Variants in CCDC148 observed in about 807,000 individuals in gnomAD.
The protein encoded by CCDC148 is coiled-coil domain-containing protein 148.
Under a neutral mutation model 85.7 loss-of-function variants are expected in CCDC148, and 89 were observed. The ratio of observed to expected loss-of-function variants is 1.04; its 90% CI spans 0.87 to 1.24. The LOEUF (loss-of-function observed/expected upper bound fraction) is 1.24, where lower values mean the gene tolerates loss of function less well. Ranked by LOEUF, CCDC148 falls within the 50% of genes most tolerant of loss-of-function variation. The pLI, the probability that CCDC148 is intolerant of heterozygous loss-of-function variation, is 0.00. For missense variants in CCDC148, 692 were observed against 671.7 expected (o/e 1.03, Z -0.33); for synonymous variants, 230 against 213.9 (o/e 1.08, Z -0.66).
intron 9 of CCDC148, among the ~76,000 whole-genome samples, chr2:158,293,960 C>CCCTT (rs1559049560): frequency 2.3e-5 from 1 of 44,062 alleles, no homozygotes; most frequent in Non-Finnish European, 4.0e-5. Context: ...CCCTCTCCCT[C>CCCTT]CCTCCCTCCC....
At chr2:158,392,559 C>A (rs1685356607) in intron 1 of CCDC148, among the ~76,000 whole-genome samples, 1 of 151,926 alleles carries the variant, frequency 6.6e-6, no homozygotes, top group East Asian at 1.9e-4. Flanking sequence ...ATTCCAAAAT[C>A]CCAAATCCAG....
rs187407831 is a variant in CCDC148, at chr2:158,436,990, T to C, written c.25+19425A>G. 5.3e-5 allele frequency among the ~76,000 whole-genome samples: 8 copies of C among 152,122 alleles called. No individual in the cohort carries two copies. In the East Asian group the frequency reaches 1.4e-3, roughly 26 times the overall value. On this transcript the variant is annotated intron_variant, in intron 1 of 13. Coordinates refer to ENST00000283233, the MANE Select transcript of CCDC148 (RefSeq NM_138803.4). ...TGAAATTGAGGCAATAATTAATAGC[T>C]TACAAACCAAAAAAAGTCCAGGACC...
chr2:158,370,437 A>G (rs2105279037), intron 1 of CCDC148, among the ~76,000 whole-genome samples: 2 of 152,216 alleles, frequency 1.3e-5, no homozygotes, highest in African/African-American at 4.8e-5. Flanking sequence ...AGATTCTTGT[A>G]TTATAATGAA....
chr2:158,318,292 C>T (rs888822938), intron 7 of CCDC148, among the ~76,000 whole-genome samples: 2 of 152,192 alleles, frequency 1.3e-5, no homozygotes, highest in African/African-American at 2.4e-5. Context: ...CCCACCTCCA[C>T]AGTCCCTGGC....
intron 9 of CCDC148, among the ~76,000 whole-genome samples, chr2:158,269,373 G>T (rs929557877): frequency 1.3e-5 from 2 of 152,040 alleles, no homozygotes; most frequent in African/African-American, 4.8e-5. Flanking sequence ...TATTGTTGTG[G>T]CAACCAGCTG....
intron 7 of CCDC148, among the ~76,000 whole-genome samples, chr2:158,326,078 T>C (rs1034637812): frequency 1.3e-5 from 2 of 152,136 alleles, no homozygotes; most frequent in African/African-American, 2.4e-5. Flanking sequence ...GTTTTAAAAA[T>C]GGCTACAAGG....
intron 1 of CCDC148, among the ~76,000 whole-genome samples, chr2:158,433,087 A>ATATATATATAT (rs1242018411): frequency 0.011 from 552 of 51,374 alleles, 2 homozygotes; most frequent in South Asian, 0.023. Flanking sequence ...AAAAAAAAAA[A>ATATATATATAT]AAAAATATAT....
At chr2:158,352,411 G>A (rs549217604) in intron 2 of CCDC148, among the ~76,000 whole-genome samples, 14 of 152,300 alleles carry the variant, frequency 9.2e-5, no homozygotes, top group South Asian at 8.3e-4. Context: ...ACCAAGGCTC[G>A]AGAACTACGT....
At chr2:158,449,931 T>C (rs1688327910) in intron 1 of CCDC148, among the ~76,000 whole-genome samples, 1 of 152,268 alleles carries the variant, frequency 6.6e-6, no homozygotes, top group Admixed American at 6.5e-5. Flanking sequence ...TTGAGCATTT[T>C]ACCGTGAATC....
rs771853900 is a variant in CCDC148, at chr2:158,250,899, C to T, written c.1124G>A (p.Arg375Gln). Residue 375 changes from arginine to glutamine, a missense_variant, in exon 10 of 14, where the codon CGA becomes CAA. Coordinates refer to ENST00000283233, the MANE Select transcript of CCDC148 (RefSeq NM_138803.4). The stretch of plus-strand genomic sequence containing the variant: ...TCTTGCTACCTCTTCTTGGTGGGCT[C>T]GCCATTGACGAACCTGAAATAAAGA... Reference protein sequence around the residue: ...ADLKAKVRQWRAHQEEVARLE... With the variant: ...ADLKAKVRQWQAHQEEVARLE... 6 of 1,595,286 alleles carry T rather than the reference C, an allele frequency of 3.8e-6. No homozygotes were observed. The highest frequency in any genetic ancestry group is 1.1e-5 in the South Asian group (1 of 89,516).
At chr2:158,249,080 C>G (rs1688685161) in intron 10 of CCDC148, among the ~76,000 whole-genome samples, 1 of 152,078 alleles carries the variant, frequency 6.6e-6, no homozygotes, top group African/African-American at 2.4e-5. Context: ...GTTCCTCAAC[C>G]CAAACTTAAT....
intron 9 of CCDC148, among the ~76,000 whole-genome samples, chr2:158,308,917 G>A (rs568943165): frequency 4.6e-5 from 7 of 152,170 alleles, no homozygotes; most frequent in South Asian, 4.2e-4. Context: ...ATCCAGCCCC[G>A]CTAGATATTT....
chr2:158,364,117 C>T (rs1374534875), intron 1 of CCDC148, among the ~76,000 whole-genome samples: 1 of 152,086 alleles, frequency 6.6e-6, no homozygotes, highest in Non-Finnish European at 1.5e-5. Flanking sequence ...TGTGAAGGAC[C>T]TCTTCAAGGA....
chr2:158,178,938 G>T lies in CCDC148; in HGVS notation c.1429C>A (p.Leu477Ile). ...RRLMEKKEVA[L>I]QEAHEDKERA... ...TCTTTGTCTTCATGAGCTTCTTGAA[G>T]GGCCACTTCCTTTTTCTCCATCAAA... is the stretch of plus-strand genomic sequence containing the variant. The change falls in exon 12 of 14, where the codon CTT (leucine) becomes ATT (isoleucine). Residue 477 changes from leucine (L) to isoleucine (I), a missense_variant. By Grantham distance (5) the Leu-to-Ile change is conservative. Coordinates refer to ENST00000283233, the MANE Select transcript of CCDC148 (RefSeq NM_138803.4). 1 of 1,613,542 alleles carries T rather than the reference G, an allele frequency of 6.2e-7. No homozygotes were observed.
At chr2:158,198,085 T>C (rs187868334) in intron 11 of CCDC148, among the ~76,000 whole-genome samples, 2 of 152,276 alleles carry the variant, frequency 1.3e-5, no homozygotes, top group East Asian at 3.9e-4. Context: ...TCAACTATAG[T>C]AAATTACTAA....
At chr2:158,281,074 A>G (rs561190940) in intron 9 of CCDC148, among the ~76,000 whole-genome samples, 1 of 152,316 alleles carries the variant, frequency 6.6e-6, no homozygotes, top group East Asian at 1.9e-4. Context: ...GTTCTTTGAA[A>G]CCGACGAGAA....
intron 1 of CCDC148, among the ~76,000 whole-genome samples, chr2:158,450,870 G>A (rs1290592145): frequency 1.3e-5 from 2 of 152,102 alleles, no homozygotes; most frequent in Non-Finnish European, 2.9e-5. Flanking sequence ...TTAGGACATT[G>A]CTTCTTCAAA....
intron 7 of CCDC148, among the ~76,000 whole-genome samples, chr2:158,328,375 G>C (rs907921670): frequency 6.6e-6 from 1 of 152,080 alleles, no homozygotes; most frequent in African/African-American, 2.4e-5. Flanking sequence ...AGTGTTCCAT[G>C]GTGTATATGT....
At chr2:158,198,011 G>A (rs1685765464) in intron 11 of CCDC148, among the ~76,000 whole-genome samples, 1 of 152,094 alleles carries the variant, frequency 6.6e-6, no homozygotes, top group Non-Finnish European at 1.5e-5. Flanking sequence ...TTGTAATTTG[G>A]TCTCTACTTA....
Sources: allele counts gnomAD v4.1 joint callset (sites outside exome capture counted in the v4.1 genomes callset), GRCh38; gene constraint gnomAD v4.1.1; transcripts MANE v1.5; gene names NCBI Gene and HGNC (gene_info 2026-07-23, HGNC 2026-07-21).